CEP128: variants seen among roughly 807,000 people sequenced by gnomAD.
CEP128 encodes the protein centrosomal protein 128kDa.
In CEP128, 132 loss-of-function variants were observed where a neutral mutation model predicts 156.7. The ratio of observed to expected loss-of-function variants is 0.84; its 90% CI spans 0.73 to 0.97. The LOEUF (loss-of-function observed/expected upper bound fraction) is 0.97, where lower values mean the gene tolerates loss of function less well. CEP128 is among the 50% of genes least tolerant of loss of function. The pLI is 0.00. For synonymous variants in CEP128, 469 were observed against 448.9 expected (o/e 1.04, Z -0.57); for missense variants, 1,252 against 1,281.9 (o/e 0.98, Z 0.36).
At chr14:80,683,836 C>G (rs770891472) in intron 19 of CEP128, among the ~76,000 whole-genome samples, 2 of 151,850 alleles carry the variant, frequency 1.3e-5, no homozygotes, top group Non-Finnish European at 2.9e-5. Context: ...CACAATTATA[C>G]GAAAATGAAA....
At chr14:80,903,825 T>C (rs1219830577) in intron 6 of CEP128, among the ~76,000 whole-genome samples, 1 of 152,138 alleles carries the variant, frequency 6.6e-6, no homozygotes. Flanking sequence ...AAATGGCTTT[T>C]ATCAAAAAGA....
chr14:80,639,392 C>T (rs907342458), intron 19 of CEP128, among the ~76,000 whole-genome samples: 33 of 152,066 alleles, frequency 2.2e-4, no homozygotes, highest in African/African-American at 7.2e-4. Flanking sequence ...GAGAACAAGG[C>T]GGGTATTTAC....
rs201871296 is a variant in CEP128, at chr14:80,618,430, C to G, written c.2807-38007G>C. Among the ~76,000 whole-genome samples, 3 of 152,332 alleles carry G rather than the reference C, an allele frequency of 2.0e-5. No individual in the cohort carries two copies. The East Asian group carries it at 5.8e-4, about 29-fold the overall frequency. On this transcript the variant is annotated intron_variant, in intron 19 of 24. Transcript: ENST00000555265. Reference sequence around the variant, plus strand: ...AAGGCCTTCTGGCAAGAAGATGGCTCTAGCTACGCTAGAAGCCTTCTTACA... The same window carrying G: ...AAGGCCTTCTGGCAAGAAGATGGCTGTAGCTACGCTAGAAGCCTTCTTACA...
At chr14:80,947,244 C>A (rs1275312960) in intron 2 of CEP128, among the ~76,000 whole-genome samples, 3 of 152,162 alleles carry the variant, frequency 2.0e-5, no homozygotes, top group Non-Finnish European at 2.9e-5. Flanking sequence ...ACATTTTCCT[C>A]AAATGTTTAT....
At chr14:80,655,925 T>G (rs763022477) in intron 19 of CEP128, among the ~76,000 whole-genome samples, 2 of 152,110 alleles carry the variant, frequency 1.3e-5, no homozygotes, top group Non-Finnish European at 2.9e-5. Context: ...TTGCCTCATT[T>G]AGGATAGTTT....
chr14:80,869,665 T>C (rs982883082), intron 8 of CEP128, among the ~76,000 whole-genome samples: 1 of 152,028 alleles, frequency 6.6e-6, no homozygotes, highest in African/African-American at 2.4e-5. Flanking sequence ...AACAGTTGTT[T>C]GGGTAAACTT....
chr14:80,596,842 A>AGG (rs1555379469), intron 19 of CEP128, among the ~76,000 whole-genome samples: 16 of 69,900 alleles, frequency 2.3e-4, no homozygotes, highest in East Asian at 3.8e-4. Context: ...AAAAAAAAAA[A>AGG]GGTGGGGGGG....
intron 20 of CEP128, among the ~76,000 whole-genome samples, chr14:80,579,968 G>A (rs1385308349): frequency 6.6e-6 from 1 of 152,200 alleles, no homozygotes; most frequent in Non-Finnish European, 1.5e-5. Context: ...CTCTATTTAT[G>A]TGTTAATTGG....
chr14:80,815,227 A>G (rs1393528675), intron 13 of CEP128, among the ~76,000 whole-genome samples: 1 of 152,206 alleles, frequency 6.6e-6, no homozygotes, highest in African/African-American at 2.4e-5. Context: ...TAACAATAAT[A>G]ATAATAAGTT....
chr14:80,548,376 T>A (rs75191394), intron 21 of CEP128, among the ~76,000 whole-genome samples: 18,379 of 152,154 alleles, frequency 0.12, 1,370 homozygotes, highest in Non-Finnish European at 0.16. Flanking sequence ...TCCATATTAG[T>A]TTTTCATTAA....
intron 19 of CEP128, among the ~76,000 whole-genome samples, chr14:80,633,005 T>C (rs981507870): frequency 6.6e-6 from 1 of 152,008 alleles, no homozygotes; most frequent in Non-Finnish European, 1.5e-5. Flanking sequence ...GGTGGGAGGA[T>C]TGCTTGAGCC....
At chr14:80,676,343 T>G (rs114916559) in intron 19 of CEP128, among the ~76,000 whole-genome samples, 11,496 of 152,152 alleles carry the variant, frequency 0.076, 601 homozygotes, top group South Asian at 0.23. Flanking sequence ...TAAACTTACG[T>G]TTCCTAATTG....
rs141281338 is a variant in CEP128 at position 80,932,743 on chromosome 14, A to G, written c.-16+6642T>C. Among the ~76,000 whole-genome samples the G allele has an allele frequency of 9.3e-3, 1,419 of 152,298 alleles. 27 individuals carry two copies. The highest frequency in any genetic ancestry group is 0.033 in the African/African-American group (1,358 of 41,548). ...ATTACAGTGTAATAATAACAGAAAT[A>G]AAGTACACAATAAATGCAATGCACT... On this transcript the variant is annotated intron_variant, in intron 2 of 24. Transcript: ENST00000555265.
At chr14:80,537,586 C>T (rs966344697) in intron 21 of CEP128, among the ~76,000 whole-genome samples, 3 of 152,166 alleles carry the variant, frequency 2.0e-5, no homozygotes, top group Non-Finnish European at 4.4e-5. Flanking sequence ...TTGAGATCTA[C>T]AATCTACTTA....
chr14:80,942,955 A>T (rs544037662), upstream of CEP128, among the ~76,000 whole-genome samples: 1 of 152,328 alleles, frequency 6.6e-6, no homozygotes, highest in South Asian at 2.1e-4. Flanking sequence ...GTTTGAACAT[A>T]AAATAATTCT....
At chr14:80,647,557 T>G (rs936264225) in intron 19 of CEP128, among the ~76,000 whole-genome samples, 2 of 152,120 alleles carry the variant, frequency 1.3e-5, no homozygotes, top group African/African-American at 4.8e-5. Flanking sequence ...AATAAGGCAA[T>G]GACTATCAAG....
chr14:80,841,514 G>A (rs1044489040), intron 9 of CEP128, among the ~76,000 whole-genome samples: 1 of 152,014 alleles, frequency 6.6e-6, no homozygotes, highest in African/African-American at 2.4e-5. Context: ...TTTGATTTGA[G>A]AATAACAATA....
At position 80,761,602 on chromosome 14, in the gene CEP128, T is replaced by C; in HGVS notation, c.2388A>G (p.Ile796Met). 1 of 1,592,344 alleles carries C rather than the reference T, an allele frequency of 6.3e-7. No individual in the cohort carries two copies. Among genetic ancestry groups the C allele is most frequent in the Non-Finnish European group, 8.6e-7 (1 of 1,167,966 alleles). The change falls in exon 17 of 25, where the codon ATA becomes ATG. Residue 796 changes from isoleucine to methionine, a missense_variant. Ile to Met is a conservative substitution (Grantham distance 10). Transcript: ENST00000555265. ...KDQLEEREKH[I>M]SIEEEHLRRM... The stretch of plus-strand genomic sequence containing the variant: ...TCCTTAAGTGCTCCTCTTCAATGCT[T>C]ATATGTTTTTCCTAAGGCATTGAAA...
intron 19 of CEP128, among the ~76,000 whole-genome samples, chr14:80,729,056 G>GTGTGTGTGT (rs1898133887): frequency 7.9e-5 from 7 of 88,180 alleles, no homozygotes; most frequent in South Asian, 3.9e-4. Flanking sequence ...TGGGCTGGTG[G>GTGTGTGTGT]GGGTGTGTGT....
Sources: gnomAD v4.1 joint callset for allele counts (sites outside exome capture counted in the v4.1 genomes callset) on GRCh38, gnomAD v4.1.1 for gene constraint, MANE v1.5 for transcripts, NCBI Gene and HGNC (gene_info 2026-07-23, HGNC 2026-07-21) for gene names.